CSMD3: variants seen among roughly 807,000 people sequenced by gnomAD.
CSMD3 encodes CUB and sushi domain-containing protein 3.
A neutral mutation model predicts 435.2 loss-of-function variants in CSMD3; 177 were observed. The observed-to-expected ratio is 0.41, with a 90% CI of 0.36 to 0.46. The LOEUF is 0.46. Among genes scored for constraint, CSMD3 ranks in the 20% least tolerant of loss-of-function variants. CSMD3 has a pLI of 0.34. For missense variants in CSMD3, 4,265 were observed against 4,504.6 expected (o/e 0.95, Z 1.52); for synonymous variants, 1,656 against 1,520.5 (o/e 1.09, Z -2.07).
chr8:113,314,682 G>A lies in CSMD3; in HGVS notation c.290C>T (p.Ala97Val), dbSNP rs769792260. ...NGANCTWVII[A>V]EERNRIQIVF... ...AATTTGTATTCTATTTCGTTCTTCTGCTATTATTACCCATGTGCAGTTTGC... is the reference window on the plus strand; with the variant it reads ...AATTTGTATTCTATTTCGTTCTTCTACTATTATTACCCATGTGCAGTTTGC... The change falls in exon 2 of 71, where the codon GCA (alanine) becomes GTA (valine). Residue 97 changes from alanine (A) to valine (V), a missense_variant. This residue lies in a region of CSMD3 where 731 missense variants were observed against 755.4 expected (regional missense o/e 0.97). Transcript: ENST00000297405. 6.8e-6 allele frequency: 11 copies of A among 1,610,772 alleles called. No individual in the cohort carries two copies. The highest frequency in any genetic ancestry group is 4.5e-5 in the East Asian group (2 of 44,754).
At chr8:112,897,694 C>CTCTCTGTGTGTGTG (rs1277884675) in intron 10 of CSMD3, among the ~76,000 whole-genome samples, 1 of 90,964 alleles carries the variant, frequency 1.1e-5, no homozygotes, top group African/African-American at 4.4e-5. Context: ...CTCTCTCTCT[C>CTCTCTGTGTGTGTG]TGTGTGTGTG....
At chr8:112,986,840 CT>C (rs760542002) in intron 6 of CSMD3, among the ~76,000 whole-genome samples, 4 of 151,846 alleles carry the variant, frequency 2.6e-5, no homozygotes, top group Non-Finnish European at 5.9e-5. Context: ...ACCTGTTAGT[CT>C]TTTTTTATTC....
At chr8:112,892,625 A>G (rs1358975668) in intron 10 of CSMD3, among the ~76,000 whole-genome samples, 1 of 151,526 alleles carries the variant, frequency 6.6e-6, no homozygotes. Context: ...GCACTTTTGT[A>G]CTTACTGTTC....
At chr8:113,070,248 C>G (rs1564279078) in intron 5 of CSMD3, among the ~76,000 whole-genome samples, 1 of 151,972 alleles carries the variant, frequency 6.6e-6, no homozygotes, top group East Asian at 1.9e-4. Flanking sequence ...ATTCCACAGG[C>G]CATAACTCTT....
At chr8:112,942,237 A>T (rs1383480875) in intron 9 of CSMD3, among the ~76,000 whole-genome samples, 175 of 6,654 alleles carry the variant, frequency 0.026, 1 homozygote, top group African/African-American at 0.18. Flanking sequence ...GTTTAGTTTA[A>T]AAAAAAAAAA....
chr8:113,014,616 C>A (rs2086383296), intron 6 of CSMD3, among the ~76,000 whole-genome samples: 1 of 151,978 alleles, frequency 6.6e-6, no homozygotes, highest in Non-Finnish European at 1.5e-5. Flanking sequence ...CTTGTAAGCC[C>A]ATTACACAAA....
In CSMD3 at chr8:112,410,642, ATATATATGTG is replaced by A. The variant is rs1563913226; in HGVS notation, c.5396-1620_5396-1611del. 1.3e-3 allele frequency among the ~76,000 whole-genome samples: 124 copies of A among 95,932 alleles called. 2 individuals carry two copies. Among genetic ancestry groups the A allele is most frequent in the African/African-American group, 3.7e-3 (106 of 28,998 alleles). 62.9% of individuals were successfully genotyped at this position (95,932 alleles called of 152,430 possible). ...TATATATATGTGTATATATATGTATATATATATGTGTATATATATGTATATATATATGTGT... is the reference window on the plus strand; with the variant it reads ...TATATATATGTGTATATATATGTATATATATATATGTATATATATATGTGT... On this transcript the variant is annotated intron_variant, in intron 32 of 70. Coordinates refer to ENST00000297405, the MANE Select transcript of CSMD3 (RefSeq NM_198123.2).
At chr8:113,114,276 C>T (rs1053409431) in intron 4 of CSMD3, among the ~76,000 whole-genome samples, 14 of 151,798 alleles carry the variant, frequency 9.2e-5, no homozygotes, top group African/African-American at 3.4e-4. Context: ...TTCAATAGAA[C>T]GTGTGAAAAG....
At chr8:113,181,316 T>C (rs1002614673) in intron 3 of CSMD3, among the ~76,000 whole-genome samples, 1 of 152,074 alleles carries the variant, frequency 6.6e-6, no homozygotes, top group African/African-American at 2.4e-5. Context: ...AAAGTTAGTG[T>C]AAAACCAAAC....
intron 30 of CSMD3, among the ~76,000 whole-genome samples, chr8:112,494,174 C>A (rs1195731547): frequency 3.3e-5 from 5 of 151,936 alleles, no homozygotes; most frequent in African/African-American, 1.2e-4. Flanking sequence ...TATATAATTT[C>A]TCCCAATTCA....
intron 10 of CSMD3, among the ~76,000 whole-genome samples, chr8:112,881,595 T>C (rs2081449506): frequency 6.6e-6 from 1 of 152,052 alleles, no homozygotes; most frequent in Admixed American, 6.6e-5. Flanking sequence ...GTAGATTTAC[T>C]GTTTTCTGCA....
intron 13 of CSMD3, among the ~76,000 whole-genome samples, chr8:112,793,704 T>C (rs1563966553): frequency 6.6e-6 from 1 of 152,102 alleles, no homozygotes; most frequent in African/African-American, 2.4e-5. Context: ...AATAGCTGGA[T>C]TGGTTACAGC....
intron 4 of CSMD3, among the ~76,000 whole-genome samples, chr8:113,150,143 T>C (rs973960437): frequency 7.2e-5 from 11 of 152,006 alleles, no homozygotes; most frequent in Non-Finnish European, 1.0e-4. Context: ...TACAGAGATA[T>C]ACACTTTTGT....
At chr8:113,350,977 T>C (rs903577022) in intron 1 of CSMD3, among the ~76,000 whole-genome samples, 2 of 151,990 alleles carry the variant, frequency 1.3e-5, no homozygotes, top group Non-Finnish European at 2.9e-5. Context: ...AAAAAACTGA[T>C]TCCCATGCCC....
chr8:112,913,829 C>A (rs2082498129), intron 10 of CSMD3, among the ~76,000 whole-genome samples: 1 of 151,842 alleles, frequency 6.6e-6, no homozygotes, highest in African/African-American at 2.4e-5. Context: ...CCCTGCTTAT[C>A]CTTTTCTATA....
chr8:113,043,948 G>A (rs1462436534), intron 5 of CSMD3, among the ~76,000 whole-genome samples: 1 of 151,854 alleles, frequency 6.6e-6, no homozygotes, highest in East Asian at 1.9e-4. Flanking sequence ...TTAAAAAGCA[G>A]AAATTTAAAA....
chr8:112,338,357 G>C (rs187945488), intron 42 of CSMD3, among the ~76,000 whole-genome samples: 54 of 152,296 alleles, frequency 3.5e-4, no homozygotes, highest in Admixed American at 3.5e-3. Flanking sequence ...TTTTGTATGA[G>C]ATCAAAGTTC....
chr8:112,510,799 G>C (rs916708306), intron 28 of CSMD3, among the ~76,000 whole-genome samples: 5 of 152,044 alleles, frequency 3.3e-5, no homozygotes, highest in African/African-American at 1.2e-4. Context: ...ATGTAAGCTA[G>C]ACACTCTGTC....
At chr8:112,884,354 T>C (rs554209772) in intron 10 of CSMD3, among the ~76,000 whole-genome samples, 4 of 151,922 alleles carry the variant, frequency 2.6e-5, no homozygotes, top group African/African-American at 7.2e-5. Context: ...CTATGACTCT[T>C]AGCAGACTAA....
Sources: allele counts gnomAD v4.1 joint callset (sites outside exome capture counted in the v4.1 genomes callset), GRCh38; gene constraint gnomAD v4.1.1; regional missense constraint gnomAD v4.1.1; transcripts MANE v1.5; gene names NCBI Gene and HGNC (gene_info 2026-07-23, HGNC 2026-07-21).